Variants in CDH12 observed in about 807,000 individuals in gnomAD.
CDH12 encodes cadherin-12.
CDH12 carries 41 observed loss-of-function variants against 74.1 expected under a neutral mutation model. The observed-to-expected ratio is 0.55, with a 90% CI of 0.43 to 0.72. CDH12 has a LOEUF of 0.72. Ranked by LOEUF, CDH12 falls within the 30% of genes least tolerant of loss-of-function variation. The pLI is 0.00. For synonymous variants in CDH12, 399 were observed against 355.0 expected (o/e 1.12, Z -1.39); for missense variants, 945 against 977.2 (o/e 0.97, Z 0.44).
chr5:22,768,676 A>G (rs1746646959), intron 1 of CDH12, among the ~76,000 whole-genome samples: 1 of 152,148 alleles, frequency 6.6e-6, no homozygotes, highest in African/African-American at 2.4e-5. Context: ...AAAAAAATGA[A>G]TAAGATTTGG....
At chr5:22,186,682 T>C (rs947592653) in intron 4 of CDH12, among the ~76,000 whole-genome samples, 2 of 152,128 alleles carry the variant, frequency 1.3e-5, no homozygotes, top group Admixed American at 1.3e-4. Context: ...CGTTGGCCAG[T>C]CTGGTCTTGA....
chr5:22,630,584 G>C (rs1277241688), intron 1 of CDH12, among the ~76,000 whole-genome samples: 2 of 152,124 alleles, frequency 1.3e-5, no homozygotes, highest in Non-Finnish European at 2.9e-5. Context: ...TAATTGGCTA[G>C]CTATATGCAG....
intron 1 of CDH12, among the ~76,000 whole-genome samples, chr5:22,689,176 A>C (rs1741958340): frequency 6.6e-6 from 1 of 152,166 alleles, no homozygotes; most frequent in South Asian, 2.1e-4. Flanking sequence ...AATTACTTGG[A>C]AACTGTCCTG....
chr5:22,429,223 C>G (rs1250916662), intron 2 of CDH12, among the ~76,000 whole-genome samples: 3 of 152,046 alleles, frequency 2.0e-5, no homozygotes, highest in Non-Finnish European at 4.4e-5. Context: ...CCCCACCCTC[C>G]TGGGCTCACT....
intron 1 of CDH12, among the ~76,000 whole-genome samples, chr5:22,559,453 A>G (rs1201174890): frequency 6.6e-6 from 1 of 152,086 alleles, no homozygotes; most frequent in Non-Finnish European, 1.5e-5. Flanking sequence ...ATGAACATAC[A>G]TCAGAAATAC....
chr5:22,042,701 C>A (rs1295298439), intron 5 of CDH12, among the ~76,000 whole-genome samples: 1 of 151,934 alleles, frequency 6.6e-6, no homozygotes, highest in Non-Finnish European at 1.5e-5. Context: ...GCCCAGGCAG[C>A]ATGGCAAGAC....
At chr5:22,851,205 C>T (rs1012128552) in intron 1 of CDH12, among the ~76,000 whole-genome samples, 1 of 151,976 alleles carries the variant, frequency 6.6e-6, no homozygotes, top group Non-Finnish European at 1.5e-5. Context: ...CCTCCCCCTC[C>T]CCCCAACAAT....
At chr5:22,331,468 C>A (rs1739350321) in intron 3 of CDH12, among the ~76,000 whole-genome samples, 1 of 152,168 alleles carries the variant, frequency 6.6e-6, no homozygotes, top group African/African-American at 2.4e-5. Flanking sequence ...CTAAGACCAC[C>A]AAGGTGGTAC....
intron 9 of CDH12, among the ~76,000 whole-genome samples, chr5:21,804,984 G>A (rs1747351009): frequency 6.6e-6 from 1 of 152,020 alleles, no homozygotes; most frequent in African/African-American, 2.4e-5. Flanking sequence ...AACTCTAAAT[G>A]CTCTATAAAT....
intron 6 of CDH12, chr5:21,882,975 CAGA>C: frequency 3.8e-6 from 6 of 1,599,672 alleles, no homozygotes; most frequent in Non-Finnish European, 5.1e-6. Context: ...GGAAGGCTTC[CAGA>C]AGATTAGCAA....
At chr5:22,019,013 T>C (rs1358904078) in intron 5 of CDH12, among the ~76,000 whole-genome samples, 1 of 151,612 alleles carries the variant, frequency 6.6e-6, no homozygotes, top group Non-Finnish European at 1.5e-5. Flanking sequence ...TGACCTGAGA[T>C]TGTGCCACTG....
chr5:21,781,563 A>C (rs1293161496), intron 11 of CDH12, among the ~76,000 whole-genome samples: 2 of 152,074 alleles, frequency 1.3e-5, no homozygotes, highest in African/African-American at 4.8e-5. Context: ...GTCTCTACTG[A>C]AAATACAAAA....
At chr5:22,794,002 T>C (rs1205217016) in intron 1 of CDH12, among the ~76,000 whole-genome samples, 1 of 152,210 alleles carries the variant, frequency 6.6e-6, no homozygotes, top group Non-Finnish European at 1.5e-5. Flanking sequence ...ATATAAATAC[T>C]AGCTCTACAG....
intron 6 of CDH12, among the ~76,000 whole-genome samples, chr5:21,876,284 C>T (rs879687521): frequency 6.6e-6 from 1 of 152,102 alleles, no homozygotes; most frequent in African/African-American, 2.4e-5. Context: ...CTTGACTCTC[C>T]CCCTGAGTCT....
At chr5:22,815,778 A>AT (rs910160467) in intron 1 of CDH12, among the ~76,000 whole-genome samples, 29 of 149,906 alleles carry the variant, frequency 1.9e-4, no homozygotes, top group Admixed American at 3.3e-4. Flanking sequence ...TCAAAAAAAA[A>AT]AAAAAAATAA....
chr5:22,289,354 G>C (rs1260136282), intron 3 of CDH12, among the ~76,000 whole-genome samples: 1 of 152,120 alleles, frequency 6.6e-6, no homozygotes, highest in Non-Finnish European at 1.5e-5. Context: ...AAGGGCAACT[G>C]AATAAAATTA....
rs1372024186 is a variant in CDH12, at chr5:22,693,929, A to ATTT, written c.-523+159128_-523+159129insAAA. Among the ~76,000 whole-genome samples, 335 of 150,250 alleles carry ATTT rather than the reference A, an allele frequency of 2.2e-3. 4 individuals are homozygous for ATTT. The highest frequency in any genetic ancestry group is 8.0e-3 in the African/African-American group (327 of 41,122). Reference sequence around the variant, plus strand: ...AGTTATTTCATCAATTTAAAAAAAAAATTATTTATTTATTTATTTGTTTAT... The same window carrying ATTT: ...AGTTATTTCATCAATTTAAAAAAAAATTTATTATTTATTTATTTATTTGTTTAT... On this transcript the variant is annotated intron_variant, in intron 1 of 14. Coordinates refer to ENST00000382254, the MANE Select transcript of CDH12 (RefSeq NM_004061.5).
intron 3 of CDH12, among the ~76,000 whole-genome samples, chr5:22,368,929 G>A (rs545309099): frequency 6.6e-6 from 1 of 152,186 alleles, no homozygotes; most frequent in Non-Finnish European, 1.5e-5. Context: ...AGGAGTTCAA[G>A]ACCAGCCTGG....
At chr5:22,393,432 A>G (rs1742330950) in intron 3 of CDH12, among the ~76,000 whole-genome samples, 2 of 152,154 alleles carry the variant, frequency 1.3e-5, no homozygotes, top group South Asian at 4.1e-4. Context: ...GAATATATTT[A>G]TCTTGTTTTA....
Sources: gnomAD v4.1 joint callset for allele counts (sites outside exome capture counted in the v4.1 genomes callset) on GRCh38, gnomAD v4.1.1 for gene constraint, MANE v1.5 for transcripts, NCBI Gene and HGNC (gene_info 2026-07-23, HGNC 2026-07-21) for gene names.